The following ABCB1 variants were observed in gnomAD, a reference collection of about 807,000 sequenced individuals.
ABCB1 encodes the protein ATP binding cassette subfamily B member 1.
ABCB1 carries 69 observed loss-of-function variants against 142.0 expected under a neutral mutation model. The observed-to-expected ratio is 0.49, with a 90% CI of 0.40 to 0.59. The LOEUF (loss-of-function observed/expected upper bound fraction) is 0.59. Ranked by LOEUF, ABCB1 falls within the 20% of genes least tolerant of loss-of-function variation. The pLI, the probability that ABCB1 is intolerant of heterozygous loss-of-function variation, is 0.00. For synonymous variants in ABCB1, 532 were observed against 539.2 expected (o/e 0.99, Z 0.18); for missense variants, 1,326 against 1,554.7 (o/e 0.85, Z 2.47).
intron 23 of ABCB1, 89 bp from the exon 24 acceptor site, chr7:87,516,754 T>TTTTTTTA (rs1815271382): frequency 9.2e-7 from 1 of 1,086,150 alleles, no homozygotes; most frequent in African/African-American, 1.8e-5. Context: ...TTTTTTTTTT[T>TTTTTTTA]GAGGTGGGGT....
Position 87,550,735 on chromosome 7 carries a change from A to T in ABCB1, c.1103T>A (p.Ile368Lys). 6.2e-7 allele frequency: 1 copy of T among 1,611,406 alleles called. No homozygotes were observed. The highest frequency in any genetic ancestry group is 2.2e-5 in the East Asian group (1 of 44,838). Residue 368 changes from isoleucine to lysine, a missense_variant, in exon 10 of 28, where the codon ATA (isoleucine) becomes AAA (lysine). Physicochemically the swap from Ile to Lys is moderately radical, Grantham distance 102. Coordinates refer to ENST00000622132, the MANE Select transcript of ABCB1 (RefSeq NM_001348946.2). ...ARGAAYEIFK[I>K]IDNKPSIDSY... Reference sequence around the variant, plus strand: ...CCAACTCAGACTTACATTATCAATTATCTTGAAGATTTCATAAGCTGCTCC... The same window carrying T: ...CCAACTCAGACTTACATTATCAATTTTCTTGAAGATTTCATAAGCTGCTCC...
At chr7:87,613,067 C>T (rs554904518) in intron 1 of ABCB1, among the ~76,000 whole-genome samples, 2 of 147,508 alleles carry the variant, frequency 1.4e-5, no homozygotes, top group African/African-American at 2.5e-5. Flanking sequence ...ATTTGATTCT[C>T]AGCTTGGTCA....
chr7:87,551,156 G>A (rs1000646883), intron 9 of ABCB1, among the ~76,000 whole-genome samples: 2 of 152,164 alleles, frequency 1.3e-5, no homozygotes, highest in South Asian at 2.1e-4. Context: ...CAAGTAGCTA[G>A]GACTACAAGC....
chr7:87,589,092 G>T (rs1451519921), intron 3 of ABCB1, among the ~76,000 whole-genome samples: 3 of 152,150 alleles, frequency 2.0e-5, no homozygotes, highest in Non-Finnish European at 4.4e-5. Flanking sequence ...AGAGAAGGGG[G>T]TGAGAAGATT....
Position 87,561,359 on chromosome 7 carries a change from A to ATCTT in ABCB1, c.730_731insAAGA (p.Leu244GlnfsTer13). 1 of 1,613,708 alleles carries ATCTT rather than the reference A, an allele frequency of 6.2e-7. No homozygotes were observed. The highest frequency in any genetic ancestry group is 8.5e-7 in the Non-Finnish European group (1 of 1,179,716). ...TGCTCCAGCTTTTGCATACGCTAAG[A>ATCTT]GTTCTTTATCAGTAAATGAAGATAG... On this transcript the variant is annotated frameshift_variant, in exon 8 of 28. Coordinates refer to ENST00000622132, the MANE Select transcript of ABCB1 (RefSeq NM_001348946.2). LOFTEE classifies it high-confidence loss of function.
rs1814595768 is a variant in ABCB1 at position 87,503,877 on chromosome 7, AGTTTT to A, written c.*361_*365del. ...GATGACTCCAGTCACATGAAAGTTT[AGTTTT>A]ATTATAGACACTTTATGCAAACATT... is the stretch of plus-strand genomic sequence containing the variant. On this transcript the variant is annotated 3_prime_UTR_variant, in exon 28 of 28. Transcript: ENST00000622132. 3.7e-6 allele frequency: 1 copy of A among 272,514 alleles called. No homozygotes were observed. Among genetic ancestry groups the A allele is most frequent in the African/African-American group, 2.2e-5 (1 of 45,074 alleles). 16.9% of individuals were successfully genotyped at this position (272,514 alleles called of 1,614,324 possible). A position where few individuals can be genotyped will look rare whatever the true frequency, so the allele number is the denominator to read the frequency against.
chr7:87,687,635 A>G (rs1219419307), intron 1 of ABCB1, among the ~76,000 whole-genome samples: 1 of 152,184 alleles, frequency 6.6e-6, no homozygotes, highest in Non-Finnish European at 1.5e-5. Flanking sequence ...TTATTTGTTG[A>G]AAAATTGATG....
At chr7:87,550,924 G>C in intron 9 of ABCB1, 86 bp from the exon 10 acceptor site, 1 of 822,956 alleles carries the variant, frequency 1.2e-6, no homozygotes. Context: ...TTCTAACATA[G>C]GTAATTAAAA....
At chr7:87,563,181 C>A (rs186250022) in intron 7 of ABCB1, among the ~76,000 whole-genome samples, 4 of 152,176 alleles carry the variant, frequency 2.6e-5, no homozygotes, top group Admixed American at 2.0e-4. Flanking sequence ...AGCTTACCAC[C>A]CCCTAAAAAA....
intron 1 of ABCB1, chr7:87,628,624 TGG>T (rs1491435643): frequency 7.3e-5 from 23 of 316,234 alleles, no homozygotes; most frequent in Non-Finnish European, 6.2e-5. Context: ...TGTGTGTGTG[TGG>T]AGCTCGGGTG....
intron 8 of ABCB1, among the ~76,000 whole-genome samples, chr7:87,556,949 G>A (rs1817336624): frequency 6.6e-6 from 1 of 152,000 alleles, no homozygotes; most frequent in Non-Finnish European, 1.5e-5. Context: ...GCCACCCCAG[G>A]AAACTTGGAA....
At chr7:87,618,167 T>C (rs1288912571) in intron 1 of ABCB1, among the ~76,000 whole-genome samples, 1 of 152,186 alleles carries the variant, frequency 6.6e-6, no homozygotes, top group African/African-American at 2.4e-5. Context: ...GAATAGTGCC[T>C]CCTGGAGTCC....
Position 87,553,935 on chromosome 7 carries a change from G to A in ABCB1, c.828-3C>T, listed in dbSNP as rs1817203782. On this transcript the variant is annotated splice_polypyrimidine_tract_variant and splice_region_variant and intron_variant, in intron 8 of 27. Transcript: ENST00000622132. ...CTTCTTCTAAATTTTTGTTGTACCT[G>A]AGAAAAAGAACAAAAATGATCACAT... is the stretch of plus-strand genomic sequence containing the variant. 3 of 1,609,564 alleles carry A rather than the reference G, an allele frequency of 1.9e-6. No homozygotes were observed. The African/African-American group carries it at 4.0e-5, about 21-fold the overall frequency.
chr7:87,659,531 A>T (rs1346673509), intron 1 of ABCB1, among the ~76,000 whole-genome samples: 6 of 152,110 alleles, frequency 3.9e-5, no homozygotes, highest in Non-Finnish European at 8.8e-5. Context: ...TCCTCTACAT[A>T]CATATAGGAC....
At chr7:87,593,967 C>A (rs947664624) in intron 3 of ABCB1, among the ~76,000 whole-genome samples, 1 of 152,190 alleles carries the variant, frequency 6.6e-6, no homozygotes, top group African/African-American at 2.4e-5. Context: ...TGAAGCTGGG[C>A]TTCTTGGAAA....
At position 87,683,726 on chromosome 7, in the gene ABCB1, G is replaced by A. The variant is rs531889370; in HGVS notation, c.-331+29435C>T. ...AGATACAATAATAATGAAAAAGTTTGAAATACTGTGAGAATTACCAAAACA... is the reference window on the plus strand; with the variant it reads ...AGATACAATAATAATGAAAAAGTTTAAAATACTGTGAGAATTACCAAAACA... On this transcript the variant is annotated intron_variant, in intron 1 of 28. Transcript: ENST00000265724. Among the ~76,000 whole-genome samples the A allele has an allele frequency of 1.5e-3, 234 of 152,268 alleles. 1 individual carries two copies. Among genetic ancestry groups the A allele is most frequent in the African/African-American group, 5.6e-3 (231 of 41,550 alleles).
rs1814566340 is a variant in ABCB1 at position 87,503,192 on chromosome 7, T to G, written c.*1051A>C. Among the ~76,000 whole-genome samples, 1 of 152,044 alleles carries G rather than the reference T, an allele frequency of 6.6e-6. No individual in the cohort carries two copies. The highest frequency in any genetic ancestry group is 1.5e-5 in the Non-Finnish European group (1 of 67,956). ...ATTTTTTTTTCCTGGAGGTGATGGCTTCTTTTTTTTATTTTTAGAAGTTGC... is the reference window on the plus strand; with the variant it reads ...ATTTTTTTTTCCTGGAGGTGATGGCGTCTTTTTTTTATTTTTAGAAGTTGC... On this transcript the variant is annotated 3_prime_UTR_variant, in exon 28 of 28. Coordinates refer to ENST00000622132, the MANE Select transcript of ABCB1 (RefSeq NM_001348946.2).
intron 1 of ABCB1, among the ~76,000 whole-genome samples, chr7:87,609,208 G>T (rs964174327): frequency 6.6e-6 from 1 of 152,126 alleles, no homozygotes; most frequent in African/African-American, 2.4e-5. Context: ...GATAGTCAGG[G>T]CAGACCTCAT....
chr7:87,571,026 T>C (rs1427413479), intron 4 of ABCB1, among the ~76,000 whole-genome samples: 1 of 152,236 alleles, frequency 6.6e-6, no homozygotes, highest in East Asian at 1.9e-4. Flanking sequence ...GTGTTAAACA[T>C]ACTTATACAC....
Sources: gnomAD v4.1 joint callset for allele counts (sites outside exome capture counted in the v4.1 genomes callset) on GRCh38, gnomAD v4.1.1 for gene constraint, MANE v1.5 for transcripts, NCBI Gene and HGNC (gene_info 2026-07-23, HGNC 2026-07-21) for gene names.